The following DOCK1 variants were observed in gnomAD, a reference collection of about 807,000 sequenced individuals.
DOCK1 encodes dedicator of cytokinesis 1.
DOCK1 carries 138 observed loss-of-function variants against 262.7 expected under a neutral mutation model. The ratio of observed to expected loss-of-function variants is 0.53; its 90% CI spans 0.46 to 0.61. The LOEUF is 0.61. DOCK1 is among the 20% of genes least tolerant of loss of function. DOCK1 has a pLI of 0.00. For missense variants in DOCK1, 1,908 were observed against 2,370.7 expected (o/e 0.80, Z 4.05); for synonymous variants, 866 against 867.4 (o/e 1.00, Z 0.03).
At chr10:127,389,202 G>A (rs931465334) in intron 38 of DOCK1, among the ~76,000 whole-genome samples, 1 of 152,204 alleles carries the variant, frequency 6.6e-6, no homozygotes, top group South Asian at 2.1e-4. Context: ...GAGGAAGGGG[G>A]CACACAGTAG....
intron 23 of DOCK1, among the ~76,000 whole-genome samples, chr10:127,082,462 C>T (rs549719119): frequency 2.0e-5 from 3 of 152,184 alleles, no homozygotes; most frequent in Admixed American, 6.5e-5. Context: ...TCTTACATGG[C>T]GGCAGGCAAG....
intron 29 of DOCK1, among the ~76,000 whole-genome samples, chr10:127,327,108 A>T (rs2062777839): frequency 1.3e-5 from 2 of 152,240 alleles, no homozygotes; most frequent in Admixed American, 6.5e-5. Context: ...GGGCGCTAGG[A>T]TGTTCAGAAT....
Position 127,013,290 on chromosome 10 carries a change from C to T in DOCK1, c.1201+916C>T, listed in dbSNP as rs543287567. On this transcript the variant is annotated intron_variant, in intron 12 of 51. Coordinates refer to ENST00000623213, the MANE Select transcript of DOCK1 (RefSeq NM_001290223.2). ...TGAGATGTGGCCTCTGCAGACAGAGCGATTTTCAGCTGACCCAGGACCCAT... is the reference window on the plus strand; with the variant it reads ...TGAGATGTGGCCTCTGCAGACAGAGTGATTTTCAGCTGACCCAGGACCCAT... Among the ~76,000 whole-genome samples the T allele has an allele frequency of 2.2e-4, 34 of 152,162 alleles. 1 individual carries two copies. In the South Asian group the frequency reaches 6.2e-3, roughly 28 times the overall value.
chr10:127,030,299 G>A lies in DOCK1; in HGVS notation c.1625-1351G>A, dbSNP rs549784037. Among the ~76,000 whole-genome samples, 77 of 152,280 alleles carry A rather than the reference G, an allele frequency of 5.1e-4. 2 individuals are homozygous for A. The highest frequency in any genetic ancestry group is 1.8e-3 in the African/African-American group (73 of 41,556). On this transcript the variant is annotated intron_variant, in intron 16 of 51. Coordinates refer to ENST00000623213, the MANE Select transcript of DOCK1 (RefSeq NM_001290223.2). ...TGCTCTGCTGGGATTGCAACTTGAG[G>A]AATTTCTGGCAGATCCATTTCTTCA...
chr10:127,117,773 C>T (rs1284193617), intron 25 of DOCK1, among the ~76,000 whole-genome samples: 1 of 152,130 alleles, frequency 6.6e-6, no homozygotes, highest in Non-Finnish European at 1.5e-5. Context: ...GCACACTGGG[C>T]ACCAGGAAAG....
intron 4 of DOCK1, among the ~76,000 whole-genome samples, chr10:126,983,163 T>G (rs760679433): frequency 6.6e-6 from 1 of 152,190 alleles, no homozygotes; most frequent in African/African-American, 2.4e-5. Flanking sequence ...ATGAACAGTT[T>G]AGAAACAATT....
intron 15 of DOCK1, chr10:127,025,412 A>G (rs755883531): frequency 3.3e-5 from 5 of 152,146 alleles, no homozygotes; most frequent in Non-Finnish European, 5.9e-5. Flanking sequence ...TGGAAGGAAT[A>G]TAGACCCTTC....
intron 29 of DOCK1, among the ~76,000 whole-genome samples, chr10:127,294,661 T>C (rs987583068): frequency 6.6e-6 from 1 of 150,894 alleles, no homozygotes; most frequent in African/African-American, 2.4e-5. Context: ...TTTTTTTTTT[T>C]TTTTTAAGAT....
chr10:127,301,568 G>C (rs76458060), intron 29 of DOCK1, among the ~76,000 whole-genome samples: 5 of 152,120 alleles, frequency 3.3e-5, no homozygotes, highest in Admixed American at 1.3e-4. Flanking sequence ...TATGCATCTA[G>C]GTTTTAGTAT....
chr10:127,174,204 G>A lies in DOCK1; in HGVS notation c.2847+46440G>A, dbSNP rs75015978. Among the ~76,000 whole-genome samples, 426 of 152,304 alleles carry A rather than the reference G, an allele frequency of 2.8e-3. 5 individuals are homozygous for A. The highest frequency in any genetic ancestry group is 0.01 in the Middle Eastern group (3 of 294). On this transcript the variant is annotated intron_variant, in intron 27 of 51. Coordinates refer to ENST00000623213, the MANE Select transcript of DOCK1 (RefSeq NM_001290223.2). ...TTGCTAAACCCAGGGCTCAGGGCTCGCAGAGTGAAGGGTGCACATCACATG... is the reference window on the plus strand; with the variant it reads ...TTGCTAAACCCAGGGCTCAGGGCTCACAGAGTGAAGGGTGCACATCACATG...
chr10:127,251,108 A>T (rs1164398061), intron 28 of DOCK1, among the ~76,000 whole-genome samples: 2 of 151,696 alleles, frequency 1.3e-5, no homozygotes, highest in African/African-American at 4.8e-5. Flanking sequence ...GATTACAGGC[A>T]TGCACCACCA....
chr10:127,190,195 A>G (rs1359681179), intron 27 of DOCK1, among the ~76,000 whole-genome samples: 2 of 152,246 alleles, frequency 1.3e-5, no homozygotes, highest in African/African-American at 2.4e-5. Flanking sequence ...CTGAATTTTC[A>G]CCAAAGGAAT....
rs1270334743 is a variant in DOCK1 at position 127,100,076 on chromosome 10, C to T, written c.2446-6155C>T. 6.6e-6 allele frequency among the ~76,000 whole-genome samples: 1 copy of T among 152,130 alleles called. No individual in the cohort carries two copies. The highest frequency in any genetic ancestry group is 2.4e-5 in the African/African-American group (1 of 41,436). On this transcript the variant is annotated intron_variant, in intron 23 of 51. Coordinates refer to ENST00000623213, the MANE Select transcript of DOCK1 (RefSeq NM_001290223.2). The surrounding 1 kb of genome is among the most constrained non-coding windows in gnomAD (Gnocchi z 5.5). The stretch of plus-strand genomic sequence containing the variant: ...GGTGGTGGGGCCAGAGCCCATGGCC[C>T]TCCATGGGTGTGGGATAGGTTCCCT...
chr10:127,413,403 A>T (rs1232411607), intron 43 of DOCK1, among the ~76,000 whole-genome samples: 1 of 152,164 alleles, frequency 6.6e-6, no homozygotes, highest in Non-Finnish European at 1.5e-5. Flanking sequence ...CACATGCCCC[A>T]CAAAGCCTTA....
chr10:127,024,974 C>T (rs1425191993), intron 15 of DOCK1, 191 bp downstream of exon 15: 1 of 470,762 alleles, frequency 2.1e-6, no homozygotes, highest in East Asian at 3.2e-5. Context: ...CTCTCATCTC[C>T]TTTTGGACGT....
At chr10:127,428,002 T>A (rs80287414) in intron 47 of DOCK1, among the ~76,000 whole-genome samples, 1 of 152,206 alleles carries the variant, frequency 6.6e-6, no homozygotes, top group Non-Finnish European at 1.5e-5. Context: ...AAATCAGGGC[T>A]CTGTCCTTCA....
intron 27 of DOCK1, among the ~76,000 whole-genome samples, chr10:127,236,189 T>C (rs971273710): frequency 6.6e-6 from 1 of 152,224 alleles, no homozygotes; most frequent in Admixed American, 6.5e-5. Flanking sequence ...AATATATTCC[T>C]ATGCCTAGGT....
intron 1 of DOCK1, among the ~76,000 whole-genome samples, chr10:126,931,212 A>G (rs932381661): frequency 6.6e-6 from 1 of 152,196 alleles, no homozygotes; most frequent in Non-Finnish European, 1.5e-5. Flanking sequence ...CAAGCCTCTC[A>G]TGAGCTTAGA....
chr10:126,977,181 G>A (rs986585238), intron 2 of DOCK1, among the ~76,000 whole-genome samples: 2 of 152,230 alleles, frequency 1.3e-5, no homozygotes, highest in African/African-American at 4.8e-5. Flanking sequence ...GGCCTTTGCA[G>A]GGGCAGTTCC....
Sources: gnomAD v4.1 joint callset for allele counts (sites outside exome capture counted in the v4.1 genomes callset) on GRCh38, gnomAD v4.1.1 for gene constraint, Gnocchi (gnomAD v3.1) non-coding constraint, MANE v1.5 for transcripts, NCBI Gene and HGNC (gene_info 2026-07-23, HGNC 2026-07-21) for gene names.